Variants in MUC6 observed in about 807,000 individuals in gnomAD.
MUC6 encodes mucin-6.
Under a neutral mutation model 201.5 loss-of-function variants are expected in MUC6, and 188 were observed. The observed-to-expected ratio is 0.93, with a 90% confidence interval of 0.83 to 1.05. MUC6 has a LOEUF of 1.05. MUC6 is among the 50% of genes least tolerant of loss of function. The pLI is 0.00. For missense variants in MUC6, 2,706 were observed against 3,256.9 expected, an observed-to-expected ratio of 0.83 and a Z score of 4.12; for synonymous variants, 1,228 against 1,389.4, an observed-to-expected ratio of 0.88 and a Z score of 2.58.
chr11:1,014,647 G>A (rs1221220632), intron 31 of MUC6, among the ~76,000 whole-genome samples: 2 of 152,208 alleles, frequency 1.3e-5, no homozygotes, highest in South Asian at 2.1e-4. Flanking sequence ...ACTGGAGAGC[G>A]TGGGTTTAAA....
In MUC6 at chr11:1,029,270, C is replaced by G. The variant is rs1857043214; in HGVS notation, c.1233G>C (p.Arg411Ser). The G allele has an allele frequency of 6.2e-7, 1 of 1,607,308 alleles. No homozygotes were observed. Among genetic ancestry groups the G allele is most frequent in the Non-Finnish European group, 8.5e-7 (1 of 1,177,852 alleles). ...GGSFVTTFDA[R>S]PYRFHGTCTY... ...TGCAGGTGCCGTGGAAGCGGTAGGG[C>G]CTGGCGTCAAATGTGGTAACAAAGG... The change falls in exon 10 of 33, where the codon AGG becomes AGC. Residue 411 changes from arginine to serine, a missense_variant. By Grantham distance (110) the Arg-to-Ser change is moderately radical. Transcript: ENST00000421673.
Position 1,027,030 on chromosome 11 carries a change from T to C in MUC6, c.2305A>G (p.Thr769Ala). 3 of 1,602,552 alleles carry C rather than the reference T, an allele frequency of 1.9e-6. No homozygotes were observed. The highest frequency in any genetic ancestry group is 1.7e-6 in the Non-Finnish European group (2 of 1,175,396). Residue 769 changes from threonine (T) to alanine (A), a missense_variant, in exon 19 of 33, where the codon ACC (threonine) becomes GCC (alanine). This residue lies in a region of MUC6 where 1,850 missense variants were observed against 1,958.3 expected (regional missense o/e 0.94). Transcript: ENST00000421673. ...MFLASCQAPKTFKSCSQSSEN... is the reference protein window; with the variant it reads ...MFLASCQAPKAFKSCSQSSEN... The stretch of plus-strand genomic sequence containing the variant: ...GAGGACTGGCTGCAGGACTTGAAGG[T>C]CTTAGGGGCCTGGCAGGAGGCTGCA...
rs1564846184 is a variant in MUC6, at chr11:1,033,041, G to A, written c.87C>T (p.Leu29=). Residue 29 remains leucine, a synonymous_variant, in exon 2 of 33, where the codon CTC becomes CTT. Coordinates refer to ENST00000421673, the MANE Select transcript of MUC6 (RefSeq NM_005961.3). This position sits in a 1 kb window ranked among gnomAD's most constrained non-coding sequence, Gnocchi z 5.6. ...TCTGTGGAGAGTCCTTCAGCCTCTG[G>A]AGGCCTGGGCTGGTGTAGGAGGTGT... is the stretch of plus-strand genomic sequence containing the variant. ...LANTSYTSPG[L]QRLKDSPQTA... is the part of the protein sequence containing the mutation. 1 of 1,608,348 alleles carries A rather than the reference G, an allele frequency of 6.2e-7. No individual in the cohort carries two copies. The highest frequency in any genetic ancestry group is 8.5e-7 in the Non-Finnish European group (1 of 1,175,424).
chr11:1,019,149 G>T, intron 30 of MUC6, 126 bp downstream of exon 30: 2 of 1,131,430 alleles, frequency 1.8e-6, no homozygotes, highest in Non-Finnish European at 2.5e-6. Context: ...CTACACTTTT[G>T]GGCTGCCTTC....
At position 1,032,073 on chromosome 11, in the gene MUC6, C is replaced by A. The variant is rs748814720; in HGVS notation, c.116-20G>T. 18 of 1,610,568 alleles carry A rather than the reference C, an allele frequency of 1.1e-5. No homozygotes were observed. The highest frequency in any genetic ancestry group is 1.4e-5 in the Non-Finnish European group (17 of 1,178,342). On this transcript the variant is annotated intron_variant, in intron 2 of 32. Transcript: ENST00000421673. ...CCGGGGCTACAGAGAGAGCAGTGCT[C>A]ACACAGCCCTGTGTCCCCACCATCC...
rs772613240 is a variant in MUC6, at chr11:1,031,235, C to G, written c.508G>C (p.Gly170Arg). 6 of 1,581,060 alleles carry G rather than the reference C, an allele frequency of 3.8e-6. No homozygotes were observed. In the South Asian group the frequency reaches 7.0e-5, roughly 18 times the overall value. Reference sequence around the variant, plus strand: ...TTCCCGCAGAGCCCGCACATCTGACCCATGTACTTCCGCTCCACCAGAACC... The same window carrying G: ...TTCCCGCAGAGCCCGCACATCTGACGCATGTACTTCCGCTCCACCAGAACC... ...LMVLVERKYM[G>R]QMCGLCGNFD... The change falls in exon 5 of 33, where the codon GGT becomes CGT. Residue 170 changes from glycine to arginine, a missense_variant. Physicochemically the swap from Gly to Arg is moderately radical, Grantham distance 125. Coordinates refer to ENST00000421673, the MANE Select transcript of MUC6 (RefSeq NM_005961.3).
intron 26 of MUC6, among the ~76,000 whole-genome samples, chr11:1,022,297 G>A (rs1305673461): frequency 7.7e-5 from 10 of 130,162 alleles, no homozygotes; most frequent in African/African-American, 2.1e-4. Flanking sequence ...ACAGCCCCGC[G>A]CCCCTCACTC....
rs761161042 is a variant in MUC6 at position 1,027,363 on chromosome 11, C to A, written c.2136G>T (p.Lys712Asn). The change falls in exon 17 of 33, where the codon AAG becomes AAT. Residue 712 changes from lysine (K) to asparagine (N), a missense_variant. Coordinates refer to ENST00000421673, the MANE Select transcript of MUC6 (RefSeq NM_005961.3). ...ACTGGGCCTTGCGCACACACTCGCC[C>A]TTTTGGTTCAGGTAGGTGCCATCGG... ...NCPDGTYLNQ[K>N]GECVRKAQCP... 1 of 1,612,870 alleles carries A rather than the reference C, an allele frequency of 6.2e-7. No homozygotes were observed. The highest frequency in any genetic ancestry group is 1.3e-5 in the African/African-American group (1 of 74,920).
rs745312770 is a variant in MUC6 at position 1,029,261 on chromosome 11, G to A, written c.1242C>T (p.Arg414=). 2.6e-5 allele frequency: 42 copies of A among 1,607,820 alleles called. No individual in the cohort carries two copies. The highest frequency in any genetic ancestry group is 6.7e-5 in the East Asian group (3 of 44,690). The change falls in exon 10 of 33, where the codon CGC becomes CGT. Residue 414 remains arginine, a synonymous_variant. Transcript: ENST00000421673. ...FVTTFDARPY[R]FHGTCTYILL... ...GGATGTAGGTGCAGGTGCCGTGGAA[G>A]CGGTAGGGCCTGGCGTCAAATGTGG...
chr11:1,022,832 C>CATGA (rs111981892), intron 26 of MUC6, among the ~76,000 whole-genome samples: 2 of 152,224 alleles, frequency 1.3e-5, no homozygotes, highest in South Asian at 2.1e-4. Context: ...AATAAGCAAA[C>CATGA]ATGAATGAAT....
chr11:1,028,772 C>G lies in MUC6; in HGVS notation c.1465G>C (p.Val489Leu), dbSNP rs763011939. ...AGGTGGGTGGACGTCTGCCTGAAGA[C>G]CGTGATGTTGCCTGCAGGACGCAGT... is the stretch of plus-strand genomic sequence containing the variant. ...WLPYKTRNITVFRQTSTHLQM... is the reference protein window; with the variant it reads ...WLPYKTRNITLFRQTSTHLQM... The change falls in exon 13 of 33, where the codon GTC becomes CTC. Residue 489 changes from valine (V) to leucine (L), a missense_variant. By Grantham distance (32) the Val-to-Leu change is conservative. Transcript: ENST00000421673. 3 of 1,611,066 alleles carry G rather than the reference C, an allele frequency of 1.9e-6. No individual in the cohort carries two copies. The highest frequency in any genetic ancestry group is 2.5e-6 in the Non-Finnish European group (3 of 1,179,748).
intron 8 of MUC6, 75 bp downstream of exon 8, chr11:1,030,138 G>T: frequency 2.1e-6 from 3 of 1,459,802 alleles, no homozygotes; most frequent in Non-Finnish European, 2.7e-6. Context: ...CGGGGTGGGT[G>T]GGGTCTGACG....
At chr11:1,019,714 C>T (rs936445864) in intron 29 of MUC6, among the ~76,000 whole-genome samples, 5 of 152,164 alleles carry the variant, frequency 3.3e-5, no homozygotes, top group African/African-American at 7.2e-5. Flanking sequence ...TATGGGGCTG[C>T]GGCTGCTCCT....
rs1209093999 is a variant in MUC6 at position 1,029,544 on chromosome 11, C to T, written c.1087G>A (p.Gly363Ser). Reference protein sequence around the residue: ...PVTQCPCVLHGAMYAPGEVTI... With the variant: ...PVTQCPCVLHSAMYAPGEVTI... ...ACCTCCCCGGGGGCATACATGGCGC[C>T]GTGGAGCACACAGGGGCACTGGGTG... is the stretch of plus-strand genomic sequence containing the variant. Residue 363 changes from glycine to serine, a missense_variant, in exon 9 of 33, where the codon GGC (glycine) becomes AGC (serine). By Grantham distance (56) the Gly-to-Ser change is moderately conservative. Transcript: ENST00000421673. 3.7e-6 allele frequency: 6 copies of T among 1,612,202 alleles called. No individual in the cohort carries two copies. The highest frequency in any genetic ancestry group is 1.1e-5 in the South Asian group (1 of 91,038).
rs200426651 is a variant in MUC6 at position 1,036,591 on chromosome 11, C to T, written c.52+13G>A. 9.2e-5 allele frequency: 142 copies of T among 1,548,860 alleles called. No individual in the cohort carries two copies. In the African/African-American group the frequency reaches 1.4e-3, roughly 15 times the overall value. The stretch of plus-strand genomic sequence containing the variant: ...GGGCACCGCAGTGTCTGGCGCCCCT[C>T]GACCTCACTCACCAGCGCTGAGCAG... On this transcript the variant is annotated intron_variant, in intron 1 of 32. Transcript: ENST00000421673.
chr11:1,015,800 G>A lies in MUC6; in HGVS notation c.7001C>T (p.Pro2334Leu), dbSNP rs376088353. The A allele has an allele frequency of 1.4e-5, 22 of 1,554,134 alleles. No homozygotes were observed. Among genetic ancestry groups the A allele is most frequent in the Admixed American group, 5.7e-5 (3 of 53,016 alleles). ...CGTAGGTGTCCCGAGAGAAGATACCGGGGCAGAAGCAGGGGTGCTTCCATG... is the reference window on the plus strand; with the variant it reads ...CGTAGGTGTCCCGAGAGAAGATACCAGGGCAGAAGCAGGGGTGCTTCCATG... The part of the protein sequence containing the change: ...TAHGSTPASA[P>L]VSSLGTPTPT... The change falls in exon 31 of 33, where the codon CCG (proline) becomes CTG (leucine). Residue 2334 changes from proline to leucine, a missense_variant. Transcript: ENST00000421673.
At position 1,029,236 on chromosome 11, in the gene MUC6, G is replaced by A. The variant is rs1857042290; in HGVS notation, c.1267C>T (p.Leu423Phe). The A allele has an allele frequency of 6.2e-7, 1 of 1,607,780 alleles. No homozygotes were observed. Among genetic ancestry groups the A allele is most frequent in the Non-Finnish European group, 8.5e-7 (1 of 1,177,832 alleles). ...CACAGGGCTCGTCCTACCTGGAGGA[G>A]GATGTAGGTGCAGGTGCCGTGGAAG... ...YRFHGTCTYI[L>F]LQSPQLPEDG... is the part of the protein sequence containing the mutation. Residue 423 changes from leucine (L) to phenylalanine (F), a missense_variant, in exon 10 of 33, where the codon CTC becomes TTC. Around this residue, in one of 10 missense-constraint regions of MUC6, gnomAD observed 1,850 missense variants for 1,958.3 expected, o/e 0.94. Coordinates refer to ENST00000421673, the MANE Select transcript of MUC6 (RefSeq NM_005961.3).
At position 1,029,361 on chromosome 11, in the gene MUC6, C is replaced by A. The variant is rs1436143869; in HGVS notation, c.1142G>T (p.Cys381Phe). 1.9e-6 allele frequency: 3 copies of A among 1,597,366 alleles called. No homozygotes were observed. The highest frequency in any genetic ancestry group is 3.4e-5 in the Admixed American group (2 of 58,208). Residue 381 changes from cysteine (C) to phenylalanine (F), a missense_variant, in exon 10 of 33, where the codon TGC becomes TTC. This residue lies in a region of MUC6 where 1,850 missense variants were observed against 1,958.3 expected (regional missense o/e 0.94). Coordinates refer to ENST00000421673, the MANE Select transcript of MUC6 (RefSeq NM_005961.3). ...CGTGCACACCCAGCGGCCCAGGGTG[C>A]ACCGGCTGTGGGTGGGCGTGGGGGT... The part of the protein sequence containing the change: ...VTIAACQTCR[C>F]TLGRWVCTER...
rs1363045537 is a variant in MUC6 at position 1,015,911 on chromosome 11, G to T, written c.6890C>A (p.Thr2297Asn). ...SLTSGVTGIP[T>N]SPVTNLTTRH... is the part of the protein sequence containing the mutation. ...GGTGGTAAGGTTGGTGACTGGAGAG[G>T]TGGGGATACCCGTCACCCCCGAGGT... The change falls in exon 31 of 33, where the codon ACC becomes AAC. Residue 2297 changes from threonine (T) to asparagine (N), a missense_variant. Coordinates refer to ENST00000421673, the MANE Select transcript of MUC6 (RefSeq NM_005961.3). 1 of 1,606,424 alleles carries T rather than the reference G, an allele frequency of 6.2e-7. No homozygotes were observed.
Sources: allele counts gnomAD v4.1 joint callset (sites outside exome capture counted in the v4.1 genomes callset), GRCh38; gene constraint gnomAD v4.1.1; regional missense constraint gnomAD v4.1.1; non-coding constraint Gnocchi (gnomAD v3.1); transcripts MANE v1.5; gene names NCBI Gene and HGNC (gene_info 2026-07-23, HGNC 2026-07-21).